The following TMEM235 variants were observed in gnomAD, a reference collection of about 807,000 sequenced individuals.
TMEM235 encodes transmembrane protein 235.
A neutral mutation model predicts 22.9 loss-of-function variants in TMEM235; 23 were observed. That is an observed-to-expected ratio of 1.00 (90% CI 0.72 to 1.42). The LOEUF (loss-of-function observed/expected upper bound fraction) is 1.42, where lower values mean the gene tolerates loss of function less well. TMEM235 is among the 40% of genes most tolerant of loss of function. The pLI is 0.00. For missense variants in TMEM235, 308 were observed against 299.5 expected, an observed-to-expected ratio of 1.03 and a Z score of -0.21; for synonymous variants, 137 against 140.5, an observed-to-expected ratio of 0.98 and a Z score of 0.17.
chr17:78,239,071 CTGGCCTTTGCGGAGACGGTGCAGCAGTA>C lies in TMEM235; in HGVS notation c.463_490del (p.Phe155ArgfsTer41). On this transcript the variant is annotated frameshift_variant, in exon 5 of 6. Transcript: ENST00000421688. LOFTEE classifies it high-confidence loss of function. ...CAGCATCTACATCAGCTACTCGCAC[CTGGCCTTTGCGGAGACGGTGCAGCAGTA>C]TGGCCCGCAGCACATGCAGGGCGTC... 6.5e-7 allele frequency: 1 copy of C among 1,544,550 alleles called. No homozygotes were observed. Among genetic ancestry groups the C allele is most frequent in the South Asian group, 1.2e-5 (1 of 84,060 alleles).
intron 2 of TMEM235, among the ~76,000 whole-genome samples, chr17:78,233,145 G>A (rs1206551435): frequency 1.3e-5 from 2 of 152,204 alleles, no homozygotes; most frequent in Admixed American, 6.5e-5. Flanking sequence ...CTGTGTGCAC[G>A]TGTGCACACG....
intron 3 of TMEM235, 188 bp downstream of exon 2, chr17:78,234,163 A>G (rs2076616263): frequency 1.4e-6 from 1 of 705,204 alleles, no homozygotes; most frequent in Non-Finnish European, 2.6e-6. Context: ...CTCCCAGCCT[A>G]TCCTGTTTTC....
chr17:78,234,794 G>C (rs1447551192), intron 4 of TMEM235, 64 bp downstream of exon 3: 4 of 1,527,766 alleles, frequency 2.6e-6, no homozygotes, highest in Non-Finnish European at 3.5e-6. Flanking sequence ...TCCCGGGAGT[G>C]GGGTGCTGCC....
chr17:78,232,018 G>A (rs1172966873), exon 2 of TMEM235: 4 of 1,062,682 alleles, frequency 3.8e-6, no homozygotes, highest in East Asian at 6.1e-5. Flanking sequence ...CCCGCCGGCC[G>A]CCCCCATGGC....
chr17:78,235,704 C>T (rs138605113), intron 4 of TMEM235, among the ~76,000 whole-genome samples: 149 of 148,224 alleles, frequency 1.0e-3, no homozygotes, highest in African/African-American at 3.3e-3. Flanking sequence ...AGGTTCATGC[C>T]ATTCTCTTGC....
Position 78,238,618 on chromosome 17 carries a change from A to G in TMEM235, c.410-406A>G, listed in dbSNP as rs1475626257. Among the ~76,000 whole-genome samples the G allele has an allele frequency of 7.1e-6, 1 of 141,186 alleles. No homozygotes were observed. Among genetic ancestry groups the G allele is most frequent in the Non-Finnish European group, 1.5e-5 (1 of 64,638 alleles). 92.6% of individuals were successfully genotyped at this position (141,186 alleles called of 152,430 possible). A position where few individuals can be genotyped will look rare whatever the true frequency, so the allele number is the denominator to read the frequency against. ...TGCAAATGTGTTCGTGTAGGTGTGCATGTGCATGTGTGTGCTGGGGGCCAT... is the reference window on the plus strand; with the variant it reads ...TGCAAATGTGTTCGTGTAGGTGTGCGTGTGCATGTGTGTGCTGGGGGCCAT... On this transcript the variant is annotated intron_variant, in intron 4 of 5. Transcript: ENST00000421688. This position sits in a 1 kb window ranked among gnomAD's most constrained non-coding sequence, Gnocchi z 4.3.
chr17:78,238,585 T>TGTGTGTGTGAGA lies in TMEM235; in HGVS notation c.410-438_410-437insTGTGTGTGAGAG, dbSNP rs750495355. ...GTGTGTGTGTGTGTGTGTGTGTGTGTGAATGTGTGCAAATGTGTTCGTGTA... is the reference window on the plus strand; with the variant it reads ...GTGTGTGTGTGTGTGTGTGTGTGTGTGTGTGTGTGAGAGAATGTGTGCAAATGTGTTCGTGTA... On this transcript the variant is annotated intron_variant, in intron 4 of 5. Coordinates refer to ENST00000421688, the Ensembl canonical transcript of TMEM235. The surrounding 1 kb of genome is among the most constrained non-coding windows in gnomAD (Gnocchi z 4.3). Among the ~76,000 whole-genome samples the TGTGTGTGTGAGA allele has an allele frequency of 1.1e-4, 16 of 142,912 alleles. No homozygotes were observed. The highest frequency in any genetic ancestry group is 2.2e-4 in the South Asian group (1 of 4,550). 93.8% of individuals were successfully genotyped at this position (142,912 alleles called of 152,430 possible). A position where few individuals can be genotyped will look rare whatever the true frequency, so the allele number is the denominator to read the frequency against.
rs55893266 is a variant in TMEM235, at chr17:78,238,550, CTGTGTGTGTGTGTGTG to C, written c.410-453_410-438del. ...GCTGCTGCCAGCAGAGGCCATGGCT[CTGTGTGTGTGTGTGTG>C]TGTGTGTGTGTGTGTGTGTGAATGT... On this transcript the variant is annotated intron_variant, in intron 4 of 5. Coordinates refer to ENST00000421688, the Ensembl canonical transcript of TMEM235. The surrounding 1 kb of genome is among the most constrained non-coding windows in gnomAD (Gnocchi z 4.3). Among the ~76,000 whole-genome samples the C allele has an allele frequency of 8.7e-5, 12 of 138,330 alleles. No individual in the cohort carries two copies. In the East Asian group the frequency reaches 1.1e-3, roughly 13 times the overall value. 90.7% of individuals were successfully genotyped at this position (138,330 alleles called of 152,430 possible). A position where few individuals can be genotyped will look rare whatever the true frequency, so the allele number is the denominator to read the frequency against.
At chr17:78,240,028 C>A in exon 6 of TMEM235, 6 of 1,511,590 alleles carry the variant, frequency 4.0e-6, no homozygotes, top group South Asian at 1.2e-5. Context: ...CTGCTAGGTA[C>A]TTTTCACTGA....
chr17:78,239,998 C>T (rs2076691757), exon 6 of TMEM235: 3 of 1,538,720 alleles, frequency 1.9e-6, no homozygotes, highest in Non-Finnish European at 2.6e-6. Context: ...ACCCCTCTGC[C>T]CCCTCCCTTG....
At chr17:78,240,048 G>A in exon 6 of TMEM235, 1 of 1,476,172 alleles carries the variant, frequency 6.8e-7, no homozygotes, top group Non-Finnish European at 9.1e-7. Context: ...AGCACTTCCG[G>A]GAAGAGCAGG....
chr17:78,231,538 T>C (rs2145910022), exon 2 of TMEM235: 1 of 1,303,468 alleles, frequency 7.7e-7, no homozygotes, highest in East Asian at 5.6e-5. Context: ...CGTGCCAGGC[T>C]CCTATGCTTC....
chr17:78,239,413 G>A, intron 5 of TMEM235, 140 bp downstream of exon 4: 2 of 1,077,720 alleles, frequency 1.9e-6, no homozygotes, highest in Non-Finnish European at 2.6e-6. Flanking sequence ...AAGGGGTGGA[G>A]GGCAGAGCCA....
intron 5 of TMEM235, among the ~76,000 whole-genome samples, 191 bp from the exon 5 acceptor site, chr17:78,239,589 G>A (rs2076686228): frequency 6.6e-6 from 1 of 152,188 alleles, no homozygotes; most frequent in Non-Finnish European, 1.5e-5. Flanking sequence ...GCAGAGTTGG[G>A]TGGGGGCACC....
intron 4 of TMEM235, among the ~76,000 whole-genome samples, chr17:78,236,174 C>T (rs8079635): frequency 0.64 from 96,784 of 152,072 alleles, 30,961 homozygotes; most frequent in Middle Eastern, 0.75. Context: ...CTTCTTGGTG[C>T]GGGGGGCATG....
intron 4 of TMEM235, among the ~76,000 whole-genome samples, chr17:78,236,631 G>A (rs2076647284): frequency 6.6e-6 from 1 of 152,238 alleles, no homozygotes; most frequent in Admixed American, 6.5e-5. Flanking sequence ...AGGTGGACTA[G>A]GGGCTCCTGA....
exon 5 of TMEM235, chr17:78,239,113 A>G (rs776868836): frequency 2.6e-6 from 4 of 1,543,892 alleles, no homozygotes; most frequent in Middle Eastern, 1.7e-4. Flanking sequence ...CCCGCAGCAC[A>G]TGCAGGGCGT....
Position 78,239,006 on chromosome 17 carries a change from TC to T in TMEM235, c.410-14del. On this transcript the variant is annotated splice_polypyrimidine_tract_variant and intron_variant, in intron 4 of 5. Coordinates refer to ENST00000421688, the Ensembl canonical transcript of TMEM235. ...TAGAGCAGACACCGAGCAGCTGCCC[TC>T]CCCATCTCTCCCCCAGGTGTCCTGA... The T allele has an allele frequency of 1.3e-6, 2 of 1,530,274 alleles. No homozygotes were observed. 94.8% of individuals were successfully genotyped at this position (1,530,274 alleles called of 1,614,324 possible). A position where few individuals can be genotyped will look rare whatever the true frequency, so the allele number is the denominator to read the frequency against.
rs976812113 is a variant in TMEM235, at chr17:78,239,339, A to G, written c.659+66A>G. The G allele has an allele frequency of 1.5e-5, 22 of 1,477,580 alleles. No homozygotes were observed. The African/African-American group carries it at 2.7e-4, about 18-fold the overall frequency. The allele number at this position is 1,477,580 out of a possible 1,614,324, so 91.5% of individuals were successfully genotyped here. A position where few individuals can be genotyped will look rare whatever the true frequency, so the allele number is the denominator to read the frequency against. ...GGGCGGTCAGGGCCAGGGCCCCTTG[A>G]GAGTCTGGGAATCCCTTCTCTGGGC... On this transcript the variant is annotated intron_variant, in intron 5 of 5. Transcript: ENST00000421688.
Sources: gnomAD v4.1 joint callset for allele counts (sites outside exome capture counted in the v4.1 genomes callset) on GRCh38, gnomAD v4.1.1 for gene constraint, Gnocchi (gnomAD v3.1) non-coding constraint, MANE v1.5 for transcripts, NCBI Gene and HGNC (gene_info 2026-07-23, HGNC 2026-07-21) for gene names.